The following NALF1 variants were observed in gnomAD, a reference collection of about 807,000 sequenced individuals.
NALF1 encodes the protein NALCN channel auxiliary factor 1.
Under a neutral mutation model 48.4 loss-of-function variants are expected in NALF1, and 3 were observed. The observed-to-expected ratio is 0.06, with a 90% CI of 0.03 to 0.16. The LOEUF (loss-of-function observed/expected upper bound fraction) is 0.16, where lower values mean the gene tolerates loss of function less well. Ranked by LOEUF, NALF1 falls within the 10% of genes least tolerant of loss-of-function variation. The probability of loss-of-function intolerance (pLI) is 1.00; values close to 1 mark genes in which losing one functional copy is unlikely to be tolerated. For missense variants in NALF1, 526 were observed against 571.5 expected, an observed-to-expected ratio of 0.92 and a Z score of 0.81; for synonymous variants, 262 against 245.7, an observed-to-expected ratio of 1.07 and a Z score of -0.62.
chr13:107,453,274 C>T (rs529372313), intron 1 of NALF1, among the ~76,000 whole-genome samples: 30 of 152,312 alleles, frequency 2.0e-4, no homozygotes, highest in African/African-American at 5.8e-4. Flanking sequence ...ATGAGGGCTC[C>T]GCCCCTTCAA....
At chr13:107,704,017 C>A (rs1021552170) in intron 1 of NALF1, among the ~76,000 whole-genome samples, 26 of 152,096 alleles carry the variant, frequency 1.7e-4, no homozygotes, top group African/African-American at 6.3e-4. Context: ...GAAACATGTC[C>A]ATTTTCCTAC....
intron 1 of NALF1, among the ~76,000 whole-genome samples, chr13:107,522,862 C>G (rs557833210): frequency 6.6e-6 from 1 of 152,178 alleles, no homozygotes; most frequent in African/African-American, 2.4e-5. Context: ...AGGTGATCCA[C>G]CTGCCTCGGC....
intron 1 of NALF1, among the ~76,000 whole-genome samples, chr13:107,821,053 A>C (rs1164464617): frequency 6.6e-6 from 1 of 152,238 alleles, no homozygotes; most frequent in Non-Finnish European, 1.5e-5. Context: ...ATCACTGCCT[A>C]TGCCCTTCAG....
intron 1 of NALF1, among the ~76,000 whole-genome samples, chr13:107,827,091 C>G (rs1879542783): frequency 6.6e-6 from 1 of 152,200 alleles, no homozygotes; most frequent in African/African-American, 2.4e-5. Context: ...AAGCTGTATG[C>G]TGAACACAGT....
intron 1 of NALF1, among the ~76,000 whole-genome samples, chr13:107,716,896 G>T (rs542802954): frequency 2.6e-5 from 4 of 152,238 alleles, no homozygotes; most frequent in Admixed American, 2.0e-4. Context: ...CGGGGTTTCC[G>T]TAAAGAGAAG....
rs151263656 is a variant in NALF1, at chr13:107,724,625, G to A, written c.915+141057C>T. 8.1e-4 allele frequency among the ~76,000 whole-genome samples: 120 copies of A among 148,272 alleles called. 1 individual carries two copies. The highest frequency in any genetic ancestry group is 2.9e-3 in the African/African-American group (116 of 40,388). ...AGTCCAGGCTTGAGTACAGTGGCATGATCTCGGGTCACTGCAGCCTTGACC... is the reference window on the plus strand; with the variant it reads ...AGTCCAGGCTTGAGTACAGTGGCATAATCTCGGGTCACTGCAGCCTTGACC... On this transcript the variant is annotated intron_variant, in intron 1 of 2. Coordinates refer to ENST00000375915, the MANE Select transcript of NALF1 (RefSeq NM_001080396.3).
intron 1 of NALF1, among the ~76,000 whole-genome samples, chr13:107,745,648 T>C (rs1374594227): frequency 6.6e-6 from 1 of 152,190 alleles, no homozygotes; most frequent in Non-Finnish European, 1.5e-5. Context: ...ATTTATTGTT[T>C]ATTACTGCCA....
At chr13:107,392,041 A>C (rs187238979) in intron 1 of NALF1, among the ~76,000 whole-genome samples, 13 of 152,196 alleles carry the variant, frequency 8.5e-5, no homozygotes, top group African/African-American at 2.6e-4. Context: ...TAGGAATTAA[A>C]ATCTTAAGCC....
Position 107,579,126 on chromosome 13 carries a change from T to G in NALF1, c.915+286556A>C, listed in dbSNP as rs113874769. On this transcript the variant is annotated intron_variant, in intron 1 of 2. Transcript: ENST00000375915. ...AGTTTTTTTGAGACAGAGTCTCACTTTGTTGCCCAGGCTGGAGTGCAGTGG... is the reference window on the plus strand; with the variant it reads ...AGTTTTTTTGAGACAGAGTCTCACTGTGTTGCCCAGGCTGGAGTGCAGTGG... 4.2e-3 allele frequency among the ~76,000 whole-genome samples: 640 copies of G among 152,276 alleles called. 11 individuals carry two copies. The highest frequency in any genetic ancestry group is 0.015 in the African/African-American group (617 of 41,568).
intron 1 of NALF1, among the ~76,000 whole-genome samples, chr13:107,819,330 C>A (rs1428960401): frequency 6.6e-6 from 1 of 152,142 alleles, no homozygotes; most frequent in Admixed American, 6.5e-5. Flanking sequence ...TCAATAAACA[C>A]CTTTAAGCAA....
chr13:107,501,200 G>A (rs953109035), intron 1 of NALF1, among the ~76,000 whole-genome samples: 2 of 152,064 alleles, frequency 1.3e-5, no homozygotes, highest in Admixed American at 6.6e-5. Context: ...GCAAAAGAAG[G>A]AGAACTCACT....
intron 1 of NALF1, among the ~76,000 whole-genome samples, chr13:107,342,385 G>C (rs1227806251): frequency 6.6e-6 from 1 of 152,044 alleles, no homozygotes. Context: ...AATTACTTTT[G>C]CATTAAAATG....
intron 1 of NALF1, among the ~76,000 whole-genome samples, chr13:107,388,902 T>C (rs376753596): frequency 3.3e-5 from 5 of 152,264 alleles, no homozygotes; most frequent in African/African-American, 1.2e-4. Flanking sequence ...ATACTGATAA[T>C]ACATTACACA....
intron 1 of NALF1, among the ~76,000 whole-genome samples, chr13:107,639,683 A>G (rs536166959): frequency 1.3e-5 from 2 of 152,188 alleles, no homozygotes; most frequent in South Asian, 4.1e-4. Context: ...TAAATCCTGG[A>G]ATCACTAGCA....
chr13:107,589,330 C>T (rs1368151560), intron 1 of NALF1, among the ~76,000 whole-genome samples: 1 of 151,882 alleles, frequency 6.6e-6, no homozygotes, highest in Non-Finnish European at 1.5e-5. Flanking sequence ...AAGCAAATTC[C>T]AAGTGTCTAA....
At chr13:107,733,817 G>T (rs1213216620) in intron 1 of NALF1, among the ~76,000 whole-genome samples, 1 of 152,060 alleles carries the variant, frequency 6.6e-6, no homozygotes, top group Non-Finnish European at 1.5e-5. Flanking sequence ...TCTATTTCCT[G>T]GAAGAGGAAA....
chr13:107,748,257 T>A (rs1353436742), intron 1 of NALF1, among the ~76,000 whole-genome samples: 1 of 152,326 alleles, frequency 6.6e-6, no homozygotes, highest in East Asian at 1.9e-4. Context: ...TCTTTATTAA[T>A]TTGAGTTGTA....
At chr13:107,579,761 G>A (rs1878251814) in intron 1 of NALF1, among the ~76,000 whole-genome samples, 1 of 151,696 alleles carries the variant, frequency 6.6e-6, no homozygotes, top group Non-Finnish European at 1.5e-5. Context: ...CCATGCTGGT[G>A]TGCTGCACCC....
chr13:107,838,025 C>A (rs1004261358), intron 1 of NALF1, among the ~76,000 whole-genome samples: 1 of 152,098 alleles, frequency 6.6e-6, no homozygotes, highest in African/African-American at 2.4e-5. Context: ...TGAGTAAAAG[C>A]GACTACGACT....
Sources: allele counts gnomAD v4.1 joint callset (sites outside exome capture counted in the v4.1 genomes callset), GRCh38; gene constraint gnomAD v4.1.1; transcripts MANE v1.5; gene names NCBI Gene and HGNC (gene_info 2026-07-23, HGNC 2026-07-21).